The following PRDM6 variants were observed in gnomAD, a reference collection of about 807,000 sequenced individuals.
The protein encoded by PRDM6 is PR/SET domain 6, also known as putative histone-lysine N-methyltransferase PRDM6.
In PRDM6, 25 loss-of-function variants were observed where a neutral mutation model predicts 60.8. The ratio of observed to expected loss-of-function variants is 0.41; its 90% confidence interval spans 0.30 to 0.57. PRDM6 has a LOEUF of 0.57. Ranked by LOEUF, PRDM6 falls within the 20% of genes least tolerant of loss-of-function variation. PRDM6 has a pLI of 0.27. For synonymous variants in PRDM6, 407 were observed against 357.4 expected (o/e 1.14, Z -1.57); for missense variants, 839 against 821.3 (o/e 1.02, Z -0.26).
Position 123,099,615 on chromosome 5 carries a change from A to G in PRDM6, c.593-39A>G. ...ATGGGCCGCTCGGGGCGGCCGGATT[A>G]ACCCGCTCCCTTCCCTTCCTCCTTC... On this transcript the variant is annotated intron_variant, in intron 2 of 7. Coordinates refer to ENST00000407847, the MANE Select transcript of PRDM6 (RefSeq NM_001136239.4). The surrounding 1 kb of genome is among the most constrained non-coding windows in gnomAD (Gnocchi z 4.0). The G allele has an allele frequency of 7.0e-7, 1 of 1,431,240 alleles. No homozygotes were observed. 88.7% of individuals were successfully genotyped at this position (1,431,240 alleles called of 1,614,324 possible).
At chr5:123,106,589 C>G (rs1225220019) in intron 3 of PRDM6, among the ~76,000 whole-genome samples, 2 of 152,200 alleles carry the variant, frequency 1.3e-5, no homozygotes. Flanking sequence ...GATACAGACA[C>G]AAATAAGCTT....
intron 3 of PRDM6, among the ~76,000 whole-genome samples, chr5:123,140,390 T>TA (rs1008979605): frequency 1.3e-5 from 2 of 152,188 alleles, no homozygotes; most frequent in African/African-American, 4.8e-5. Context: ...GGTTATGTGA[T>TA]ATAGTTTTTA....
intron 3 of PRDM6, among the ~76,000 whole-genome samples, chr5:123,126,078 A>C (rs1478142755): frequency 6.6e-6 from 1 of 152,096 alleles, no homozygotes; most frequent in Non-Finnish European, 1.5e-5. Context: ...TGCTTTAAGA[A>C]CTCAATTACT....
At chr5:123,164,273 A>G (rs335214) in intron 5 of PRDM6, among the ~76,000 whole-genome samples, 75,944 of 152,000 alleles carry the variant, frequency 0.5, 19,076 homozygotes, top group East Asian at 0.61. Flanking sequence ...CAGCTGGGAG[A>G]AGTCAAGGTT....
chr5:123,179,673 AAC>A (rs147889765), intron 6 of PRDM6, among the ~76,000 whole-genome samples: 4,241 of 152,292 alleles, frequency 0.028, 190 homozygotes, highest in African/African-American at 0.092. Flanking sequence ...TTTCTGAACT[AAC>A]AGAGATAATA....
chr5:123,094,628 C>T (rs1481213169), intron 2 of PRDM6, among the ~76,000 whole-genome samples: 8 of 152,154 alleles, frequency 5.3e-5, no homozygotes, highest in Admixed American at 5.2e-4. Context: ...CAGTAATCTC[C>T]ATCGATATGT....
chr5:123,187,046 C>A, intron 7 of PRDM6, 41 bp from the exon 8 acceptor site: 2 of 1,442,848 alleles, frequency 1.4e-6, no homozygotes, highest in Middle Eastern at 1.8e-4. Context: ...ACCCTGCAGG[C>A]CCCGCTCCCT....
intron 3 of PRDM6, among the ~76,000 whole-genome samples, chr5:123,100,263 T>TGACC (rs2150208104): frequency 6.6e-6 from 1 of 152,312 alleles, no homozygotes; most frequent in East Asian, 1.9e-4. Context: ...GGAATGGATT[T>TGACC]GACCGTTGGT....
chr5:123,092,834 C>G (rs567216341), intron 2 of PRDM6, among the ~76,000 whole-genome samples: 36 of 152,300 alleles, frequency 2.4e-4, no homozygotes, highest in African/African-American at 7.5e-4. Flanking sequence ...AGGAACTTCT[C>G]TGGACAAGCA....
At position 123,183,471 on chromosome 5, in the gene PRDM6, G is replaced by T. The variant is rs752534945; in HGVS notation, c.1673+3148G>T. 2.0e-4 allele frequency among the ~76,000 whole-genome samples: 31 copies of T among 152,174 alleles called. 1 individual carries two copies. Among genetic ancestry groups the T allele is most frequent in the Non-Finnish European group, 4.0e-4 (27 of 68,034 alleles). ...TGAAGAGGTCAGAGTTTCAATCCAGGCTTTGCCTCATATCTGATTGACTGA... is the reference window on the plus strand; with the variant it reads ...TGAAGAGGTCAGAGTTTCAATCCAGTCTTTGCCTCATATCTGATTGACTGA... On this transcript the variant is annotated intron_variant, in intron 7 of 7. Transcript: ENST00000407847.
chr5:123,180,199 A>C lies in PRDM6; in HGVS notation c.1549A>C (p.Arg517=). 6.4e-7 allele frequency: 1 copy of C among 1,552,146 alleles called. No individual in the cohort carries two copies. The highest frequency in any genetic ancestry group is 8.7e-7 in the Non-Finnish European group (1 of 1,147,054). Residue 517 remains arginine (R), a synonymous_variant, in exon 7 of 8, where the codon AGG becomes CGG. Coordinates refer to ENST00000407847, the MANE Select transcript of PRDM6 (RefSeq NM_001136239.4). The stretch of plus-strand genomic sequence containing the variant: ...GTCCTTTTCCCAGCCTTCAGAACTG[A>C]GGAACCACGTGGTCACTCACTCTAG... ...SQSFSQPSEL[R]NHVVTHSSDR... is the part of the protein sequence containing the mutation.
chr5:123,098,677 A>G (rs983460929), intron 2 of PRDM6, among the ~76,000 whole-genome samples: 2 of 152,212 alleles, frequency 1.3e-5, no homozygotes, highest in African/African-American at 4.8e-5. Context: ...GTATAGCACA[A>G]CAGAATCGCA....
chr5:123,190,308 C>G lies in PRDM6; in HGVS notation c.*3107C>G, dbSNP rs1464671954. The G allele has an allele frequency of 6.6e-6, 1 of 152,172 alleles. No individual in the cohort carries two copies. The highest frequency in any genetic ancestry group is 1.5e-5 in the Non-Finnish European group (1 of 68,022). The allele number at this position is 152,172 out of a possible 1,614,324, so 9.4% of individuals were successfully genotyped here. ...GGGTGCAATAGGATGAGAGATGGAG[C>G]TGCAGACCTTTGCATTTCTAGAAAA... On this transcript the variant is annotated 3_prime_UTR_variant, in exon 8 of 8. Transcript: ENST00000407847.
chr5:123,125,817 A>G (rs1001290713), intron 3 of PRDM6, among the ~76,000 whole-genome samples: 1 of 152,230 alleles, frequency 6.6e-6, no homozygotes, highest in African/African-American at 2.4e-5. Context: ...CATTGAAGAC[A>G]GGGAGTTTCA....
At chr5:123,097,610 C>T (rs1213178828) in intron 2 of PRDM6, among the ~76,000 whole-genome samples, 1 of 152,044 alleles carries the variant, frequency 6.6e-6, no homozygotes, top group Non-Finnish European at 1.5e-5. Context: ...ATGTAATTCC[C>T]AAAATGTCTT....
Position 123,176,984 on chromosome 5 carries a change from C to A in PRDM6, c.1497-3163C>A, listed in dbSNP as rs185697139. Among the ~76,000 whole-genome samples the A allele has an allele frequency of 6.9e-4, 105 of 152,290 alleles. No individual in the cohort carries two copies. The East Asian group carries it at 0.017, about 24-fold the overall frequency. On this transcript the variant is annotated intron_variant, in intron 6 of 7. Coordinates refer to ENST00000407847, the MANE Select transcript of PRDM6 (RefSeq NM_001136239.4). ...CAATTAATTGTGCGCTCCAAAGGCC[C>A]TTTGGCTGTATATTGAAAGACGTGG...
chr5:123,168,220 A>G (rs1765802633), intron 5 of PRDM6, among the ~76,000 whole-genome samples: 1 of 152,240 alleles, frequency 6.6e-6, no homozygotes, highest in Non-Finnish European at 1.5e-5. Context: ...TAGAATAAAG[A>G]CATACATACA....
intron 5 of PRDM6, 121 bp from the exon 6 acceptor site, chr5:123,170,645 C>T: frequency 2.7e-6 from 2 of 743,464 alleles, no homozygotes; most frequent in East Asian, 2.7e-5. Flanking sequence ...TATGTTAATT[C>T]TGAGTCCAGA....
At chr5:123,115,312 T>G (rs912589230) in intron 3 of PRDM6, among the ~76,000 whole-genome samples, 1 of 152,150 alleles carries the variant, frequency 6.6e-6, no homozygotes, top group Non-Finnish European at 1.5e-5. Context: ...GCCTTTATAC[T>G]TCCCAACTGA....
Sources: allele counts gnomAD v4.1 joint callset (sites outside exome capture counted in the v4.1 genomes callset), GRCh38; gene constraint gnomAD v4.1.1; non-coding constraint Gnocchi (gnomAD v3.1); transcripts MANE v1.5; gene names NCBI Gene and HGNC (gene_info 2026-07-23, HGNC 2026-07-21).